DENND1B: variants seen among roughly 807,000 people sequenced by gnomAD.
The protein encoded by DENND1B is DENN domain-containing protein 1B.
A neutral mutation model predicts 90.1 loss-of-function variants in DENND1B; 59 were observed. That is an observed-to-expected ratio of 0.65 (90% CI 0.53 to 0.81). The LOEUF (loss-of-function observed/expected upper bound fraction) is 0.81. DENND1B is among the 40% of genes least tolerant of loss of function. DENND1B has a pLI of 0.00. For synonymous variants in DENND1B, 337 were observed against 324.6 expected (o/e 1.04, Z -0.41); for missense variants, 862 against 912.6 (o/e 0.94, Z 0.71).
chr1:197,668,836 T>A (rs1040871307), intron 5 of DENND1B, among the ~76,000 whole-genome samples: 1 of 150,612 alleles, frequency 6.6e-6, no homozygotes, highest in African/African-American at 2.4e-5. Context: ...ATAGATATTA[T>A]TAAATTTTCC....
rs1326974902 is a variant in DENND1B, at chr1:197,589,362, C to CGT, written c.1047+5845_1047+5846insAC. Among the ~76,000 whole-genome samples the CGT allele has an allele frequency of 2.0e-5, 3 of 152,144 alleles. No homozygotes were observed. The East Asian group carries it at 5.8e-4, about 29-fold the overall frequency. On this transcript the variant is annotated intron_variant, in intron 14 of 22. Transcript: ENST00000620048. ...GCAGAAAGAAAGTGCCATAAAACAA[C>CGT]TTTTATCCATTAAAAAGCCAGATGC...
chr1:197,512,104 T>C (rs1668070927), intron 21 of DENND1B, among the ~76,000 whole-genome samples, 160 bp from the exon 22 acceptor site: 1 of 151,760 alleles, frequency 6.6e-6, no homozygotes, highest in African/African-American at 2.4e-5. Flanking sequence ...CTAATTCCAA[T>C]ATGGAAATAT....
In DENND1B at chr1:197,506,702, T is replaced by A. The variant is rs1667746217; in HGVS notation, c.*3758A>T. On this transcript the variant is annotated 3_prime_UTR_variant, in exon 23 of 23. Coordinates refer to ENST00000620048, the MANE Select transcript of DENND1B (RefSeq NM_001195215.2). ...GAATCCTATTATTAGGATATTCGCA[T>A]AGAATAGCACTAGTAACAGCAGTCA... The A allele has an allele frequency of 6.6e-6, 1 of 151,496 alleles. No individual in the cohort carries two copies. Among genetic ancestry groups the A allele is most frequent in the East Asian group, 1.9e-4 (1 of 5,140 alleles). The allele number at this position is 151,496 out of a possible 1,614,324, so 9.4% of individuals were successfully genotyped here.
At chr1:197,765,123 A>C (rs965115621) in intron 2 of DENND1B, among the ~76,000 whole-genome samples, 1 of 152,194 alleles carries the variant, frequency 6.6e-6, no homozygotes, top group African/African-American at 2.4e-5. Flanking sequence ...TCCTAAATAA[A>C]TACTTTTAAA....
At chr1:197,773,215 G>T (rs553108850) in intron 1 of DENND1B, among the ~76,000 whole-genome samples, 1 of 152,158 alleles carries the variant, frequency 6.6e-6, no homozygotes, top group Non-Finnish European at 1.5e-5. Context: ...TAATAGTGAG[G>T]ATTATAAATC....
At chr1:197,741,440 CTAA>C (rs1411784539) in intron 2 of DENND1B, among the ~76,000 whole-genome samples, 1 of 152,078 alleles carries the variant, frequency 6.6e-6, no homozygotes, top group Admixed American at 6.5e-5. Context: ...TTTTAAAATT[CTAA>C]TGTTAGAATA....
At chr1:197,673,191 C>T (rs1655699009) in intron 4 of DENND1B, among the ~76,000 whole-genome samples, 2 of 151,734 alleles carry the variant, frequency 1.3e-5, no homozygotes, top group African/African-American at 4.8e-5. Flanking sequence ...CAAATGTGAC[C>T]TCTAGTGCCC....
At chr1:197,706,191 G>A (rs938799831) in intron 3 of DENND1B, among the ~76,000 whole-genome samples, 4 of 152,180 alleles carry the variant, frequency 2.6e-5, no homozygotes, top group Non-Finnish European at 5.9e-5. Context: ...GAATTTAACA[G>A]TGACAAGACT....
At position 197,614,274 on chromosome 1, in the gene DENND1B, A is replaced by T. The variant is rs573676234; in HGVS notation, c.774-2298T>A. Among the ~76,000 whole-genome samples the T allele has an allele frequency of 5.3e-5, 8 of 151,122 alleles. No individual in the cohort carries two copies. The East Asian group carries it at 1.6e-3, about 30-fold the overall frequency. On this transcript the variant is annotated intron_variant, in intron 11 of 22. Transcript: ENST00000620048. ...TTCTCTTCTCACCAATTTCTCACAA[A>T]ATCTAAAACACAGATGTTAGAACTG...
rs71131773 is a variant in DENND1B, at chr1:197,536,125, G to GGAGAGA, written c.1515+3833_1515+3838dup. Reference sequence around the variant, plus strand: ...GAGAGAGACGGAGGGAGGGAGAGAGGGAGAGAGAGAGATTGAGAGAGAGAG... The same window carrying GGAGAGA: ...GAGAGAGACGGAGGGAGGGAGAGAGGGAGAGAGAGAGAGAGAGATTGAGAGAGAGAG... On this transcript the variant is annotated intron_variant, in intron 20 of 22. Transcript: ENST00000620048. Among the ~76,000 whole-genome samples the GGAGAGA allele has an allele frequency of 3.2e-3, 451 of 142,918 alleles. 6 individuals are homozygous for GGAGAGA. Among genetic ancestry groups the GGAGAGA allele is most frequent in the African/African-American group, 0.011 (427 of 38,372 alleles). 93.8% of individuals were successfully genotyped at this position (142,918 alleles called of 152,430 possible).
At chr1:197,615,642 G>A (rs371299879) in intron 11 of DENND1B, among the ~76,000 whole-genome samples, 7 of 150,962 alleles carry the variant, frequency 4.6e-5, no homozygotes, top group African/African-American at 1.5e-4. Context: ...GATGGAAATG[G>A]AAGAAAACTG....
At position 197,672,390 on chromosome 1, in the gene DENND1B, TA is replaced by T. The variant is rs1285008296; in HGVS notation, c.177-235del. ...AGTTCAGCATATATTAATCTCTCAC[TA>T]GGAAATCATAAGGTAGTCTACCATA... is the stretch of plus-strand genomic sequence containing the variant. On this transcript the variant is annotated intron_variant, in intron 4 of 22. Transcript: ENST00000620048. 2.2e-4 allele frequency among the ~76,000 whole-genome samples: 34 copies of T among 152,142 alleles called. 1 individual carries two copies. The South Asian group carries it at 7.0e-3, about 32-fold the overall frequency.
chr1:197,538,656 A>ATTT lies in DENND1B; in HGVS notation c.1515+1305_1515+1307dup, dbSNP rs67761711. ...GTTGATGAATGACTGAATTAATGGG[A>ATTT]TTTTTTTTTTTTTTTTTTTTTTTTT... On this transcript the variant is annotated intron_variant, in intron 20 of 22. Transcript: ENST00000620048. 7.7e-4 allele frequency among the ~76,000 whole-genome samples: 82 copies of ATTT among 105,866 alleles called. 2 individuals are homozygous for ATTT. In the East Asian group the frequency reaches 0.017, roughly 22 times the overall value. 69.5% of individuals were successfully genotyped at this position (105,866 alleles called of 152,430 possible). A position where few individuals can be genotyped will look rare whatever the true frequency, so the allele number is the denominator to read the frequency against.
At chr1:197,627,326 C>T (rs1335162923) in intron 10 of DENND1B, among the ~76,000 whole-genome samples, 1 of 152,078 alleles carries the variant, frequency 6.6e-6, no homozygotes, top group Non-Finnish European at 1.5e-5. Context: ...AAAGCTTATC[C>T]ACCATGATCA....
chr1:197,665,999 GTATAAA>G (rs1654902682), intron 5 of DENND1B, among the ~76,000 whole-genome samples: 1 of 152,088 alleles, frequency 6.6e-6, no homozygotes, highest in Non-Finnish European at 1.5e-5. Flanking sequence ...GAATGCTTCA[GTATAAA>G]GGCACTAACT....
chr1:197,512,005 T>A (rs1668065180), intron 21 of DENND1B, 61 bp from the exon 22 acceptor site: 1 of 1,265,790 alleles, frequency 7.9e-7, no homozygotes, highest in Non-Finnish European at 1.1e-6. Context: ...ATGTAAGTAA[T>A]CTCTCACCAG....
intron 3 of DENND1B, among the ~76,000 whole-genome samples, chr1:197,704,852 A>C (rs115104011): frequency 0.033 from 5,066 of 152,230 alleles, 291 homozygotes; most frequent in African/African-American, 0.11. Flanking sequence ...AGAAAAAAAA[A>C]AATAAAGCTA....
intron 2 of DENND1B, among the ~76,000 whole-genome samples, 163 bp downstream of exon 2, chr1:197,772,705 G>A (rs781450027): frequency 1.3e-5 from 2 of 152,094 alleles, no homozygotes; most frequent in African/African-American, 2.4e-5. Flanking sequence ...TGCATTGGTA[G>A]CTCCAGCTAC....
chr1:197,713,860 T>TTAAAATATATATATGTAATATATA (rs1166114786), intron 3 of DENND1B, among the ~76,000 whole-genome samples: 10 of 82,002 alleles, frequency 1.2e-4, no homozygotes, highest in African/African-American at 4.1e-4. Context: ...TATTATAATA[T>TTAAAATATATATATGTAATATATA]ATTATATATA....
Sources: allele counts gnomAD v4.1 joint callset (sites outside exome capture counted in the v4.1 genomes callset), GRCh38; gene constraint gnomAD v4.1.1; transcripts MANE v1.5; gene names NCBI Gene and HGNC (gene_info 2026-07-23, HGNC 2026-07-21).